The following HELZ variants were observed in gnomAD, a reference collection of about 807,000 sequenced individuals.
HELZ encodes helicase with zinc finger, also known as ATP-dependent RNA helicase with zinc finger domain.
HELZ carries 23 observed loss-of-function variants against 218.2 expected under a neutral mutation model. The observed-to-expected ratio is 0.11, with a 90% CI of 0.08 to 0.15. The LOEUF (loss-of-function observed/expected upper bound fraction) is 0.15. Among genes scored for constraint, HELZ ranks in the 10% least tolerant of loss-of-function variants. The probability of loss-of-function intolerance (pLI) is 1.00; values close to 1 mark genes in which losing one functional copy is unlikely to be tolerated. For missense variants in HELZ, 1,813 were observed against 2,353.7 expected (o/e 0.77, Z 4.75); for synonymous variants, 814 against 829.4 (o/e 0.98, Z 0.32).
Position 67,190,287 on chromosome 17 carries a change from G to A in HELZ, c.626C>T (p.Ala209Val), listed in dbSNP as rs1420380634. Reference protein sequence around the residue: ...CTSAHSQEELAEWQKRYASRL... With the variant: ...CTSAHSQEELVEWQKRYASRL... ...TGAAGCATATCTTTTCTGCCATTCT[G>A]CTAGTTCTTCCTGGGAATGTGCTGA... Residue 209 changes from alanine to valine, a missense_variant, in exon 10 of 33, where the codon GCA (alanine) becomes GTA (valine). Transcript: ENST00000358691. 1.8e-5 allele frequency: 29 copies of A among 1,613,756 alleles called. No homozygotes were observed. The highest frequency in any genetic ancestry group is 2.3e-5 in the Non-Finnish European group (27 of 1,179,808).
intron 31 of HELZ, among the ~76,000 whole-genome samples, chr17:67,104,891 G>A (rs1401841268): frequency 6.6e-6 from 1 of 152,118 alleles, no homozygotes; most frequent in African/African-American, 2.4e-5. Flanking sequence ...GGAGGCTGGG[G>A]GCGGATCACC....
chr17:67,152,822 C>CA (rs1463725204), intron 17 of HELZ, among the ~76,000 whole-genome samples: 2 of 148,830 alleles, frequency 1.3e-5, no homozygotes, highest in Non-Finnish European at 3.0e-5. Flanking sequence ...TGGACCTCTC[C>CA]AACATTCAGA....
intron 31 of HELZ, among the ~76,000 whole-genome samples, chr17:67,100,358 T>C (rs1464718433): frequency 6.6e-6 from 1 of 152,190 alleles, no homozygotes; most frequent in Non-Finnish European, 1.5e-5. Context: ...ATCTCTAAGA[T>C]GATGTAAGTA....
At chr17:67,190,122 G>C in intron 10 of HELZ, 35 bp downstream of exon 10, 1 of 1,564,050 alleles carries the variant, frequency 6.4e-7, no homozygotes, top group South Asian at 1.1e-5. Flanking sequence ...CATTGTTTAA[G>C]ACAAACAAAA....
chr17:67,164,601 G>A (rs753552009), intron 15 of HELZ, among the ~76,000 whole-genome samples: 2 of 151,986 alleles, frequency 1.3e-5, no homozygotes, highest in African/African-American at 2.4e-5. Context: ...ATGTTATGTG[G>A]ATTTTACCAC....
Position 67,108,471 on chromosome 17 carries a change from A to AT in HELZ, c.4724+20dup, listed in dbSNP as rs747766659. 1.9e-6 allele frequency: 3 copies of AT among 1,581,662 alleles called. No individual in the cohort carries two copies. In the South Asian group the frequency reaches 3.3e-5, roughly 18 times the overall value. On this transcript the variant is annotated intron_variant, in intron 30 of 32. Coordinates refer to ENST00000358691, the MANE Select transcript of HELZ (RefSeq NM_014877.4). The surrounding 1 kb of genome is among the most constrained non-coding windows in gnomAD (Gnocchi z 4.1). ...GTGAGGGGGTCGCATTCCAGGGGCT[A>AT]TTTTCAGTCCGCTGGAATACCTTGA...
chr17:67,101,576 A>G (rs999510423), intron 31 of HELZ, among the ~76,000 whole-genome samples: 1 of 152,236 alleles, frequency 6.6e-6, no homozygotes, highest in Admixed American at 6.5e-5. Context: ...ATTATCATGC[A>G]AAGTGAAAAA....
Position 67,086,631 on chromosome 17 carries a change from AATATAT to A in HELZ, c.5494+192_5494+197del, listed in dbSNP as rs71139116. ...ATATATATAAATAAATATAAATATAAATATATATATATATATATATATATATATATA... is the reference window on the plus strand; with the variant it reads ...ATATATATAAATAAATATAAATATAAATATATATATATATATATATATATA... On this transcript the variant is annotated intron_variant, in intron 32 of 32. Transcript: ENST00000358691. Among the ~76,000 whole-genome samples, 278 of 93,286 alleles carry A rather than the reference AATATAT, an allele frequency of 3.0e-3. 3 individuals carry two copies. Among genetic ancestry groups the A allele is most frequent in the African/African-American group, 9.9e-3 (205 of 20,772 alleles). 61.2% of individuals were successfully genotyped at this position (93,286 alleles called of 152,430 possible).
At chr17:67,201,987 A>T (rs2040180868) in intron 6 of HELZ, among the ~76,000 whole-genome samples, 1 of 152,142 alleles carries the variant, frequency 6.6e-6, no homozygotes, top group Non-Finnish European at 1.5e-5. Context: ...AATACATTAC[A>T]CTCAACAATA....
At chr17:67,148,492 G>T in intron 20 of HELZ, 77 bp downstream of exon 20, 1 of 1,216,152 alleles carries the variant, frequency 8.2e-7, no homozygotes, top group Non-Finnish European at 1.2e-6. Context: ...TCTGTCCCTA[G>T]CAGCAGTGCT....
intron 5 of HELZ, among the ~76,000 whole-genome samples, chr17:67,211,616 T>C (rs2040453056): frequency 6.6e-6 from 1 of 152,198 alleles, no homozygotes; most frequent in Non-Finnish European, 1.5e-5. Context: ...ATCCCAGCAC[T>C]TTGGGAGGCC....
intron 15 of HELZ, among the ~76,000 whole-genome samples, chr17:67,161,978 G>GA (rs2039005969): frequency 6.6e-6 from 1 of 152,142 alleles, no homozygotes; most frequent in Admixed American, 6.5e-5. Flanking sequence ...GAAACTCTTA[G>GA]AAAATTTAAA....
intron 9 of HELZ, among the ~76,000 whole-genome samples, chr17:67,192,334 C>T (rs1012379851): frequency 6.6e-6 from 1 of 151,980 alleles, no homozygotes; most frequent in African/African-American, 2.4e-5. Context: ...AAATGAACCA[C>T]AGCACAATAT....
At chr17:67,245,009 C>T in intron 1 of HELZ, 139 bp downstream of exon 1, 3 of 985,568 alleles carry the variant, frequency 3.0e-6, no homozygotes, top group Non-Finnish European at 3.6e-6. Flanking sequence ...AGCCGCGGGC[C>T]GCCCAGGCCC....
intron 21 of HELZ, among the ~76,000 whole-genome samples, chr17:67,143,835 G>C (rs1162174757): frequency 6.6e-6 from 1 of 152,130 alleles, no homozygotes; most frequent in African/African-American, 2.4e-5. Flanking sequence ...AAAATAAAAA[G>C]CATGTTGTCT....
In HELZ at chr17:67,077,300, A is replaced by G. The variant is rs1027379251; in HGVS notation, c.*952T>C. 1.3e-4 allele frequency: 20 copies of G among 152,686 alleles called. No homozygotes were observed. Among genetic ancestry groups the G allele is most frequent in the African/African-American group, 4.8e-4 (20 of 41,548 alleles). 9.5% of individuals were successfully genotyped at this position (152,686 alleles called of 1,614,324 possible). On this transcript the variant is annotated 3_prime_UTR_variant, in exon 33 of 33. Transcript: ENST00000358691. ...AGGTACCAAAATTTTTACTGGAGAG[A>G]AAAAAACCCAAACCTTAAAGCGGCA...
chr17:67,138,947 T>C (rs1278013578), intron 21 of HELZ, among the ~76,000 whole-genome samples: 3 of 152,038 alleles, frequency 2.0e-5, no homozygotes, highest in African/African-American at 4.8e-5. Flanking sequence ...ATGGTTTATT[T>C]AGAAAAGAGA....
chr17:67,157,496 T>C (rs2144091176), intron 17 of HELZ, among the ~76,000 whole-genome samples: 1 of 152,308 alleles, frequency 6.6e-6, no homozygotes, highest in African/African-American at 2.4e-5. Context: ...TTGTGCAACA[T>C]TTAAGTTAGA....
At chr17:67,189,940 A>ATTAT (rs2039851133) in intron 10 of HELZ, among the ~76,000 whole-genome samples, 2 of 152,232 alleles carry the variant, frequency 1.3e-5, no homozygotes, top group Non-Finnish European at 2.9e-5. Context: ...AATGAAGGTA[A>ATTAT]TTAATACAGT....
Sources: allele counts gnomAD v4.1 joint callset (sites outside exome capture counted in the v4.1 genomes callset), GRCh38; gene constraint gnomAD v4.1.1; non-coding constraint Gnocchi (gnomAD v3.1); transcripts MANE v1.5; gene names NCBI Gene and HGNC (gene_info 2026-07-23, HGNC 2026-07-21).